Variants in IPO11 observed in about 807,000 individuals in gnomAD.
IPO11 encodes the protein importin-11.
In IPO11, 66 loss-of-function variants were observed where a neutral mutation model predicts 143.2. That is an observed-to-expected ratio of 0.46 (90% CI 0.38 to 0.57). The LOEUF is 0.57. Ranked by LOEUF, IPO11 falls within the 20% of genes least tolerant of loss-of-function variation. The pLI is 0.00. For missense variants in IPO11, 1,026 were observed against 1,141.0 expected (o/e 0.90, Z 1.45); for synonymous variants, 385 against 377.8 (o/e 1.02, Z -0.22).
At chr5:62,422,677 T>C (rs1743558486) in intron 1 of IPO11, 1 of 152,166 alleles carries the variant, frequency 6.6e-6, no homozygotes, top group Admixed American at 6.5e-5. Context: ...CTTATTGCAG[T>C]TTATCAGTGC....
intron 26 of IPO11, among the ~76,000 whole-genome samples, chr5:62,558,362 A>G (rs1426226595): frequency 2.0e-5 from 3 of 152,364 alleles, no homozygotes; most frequent in South Asian, 2.1e-4. Context: ...GAAGTGTTCA[A>G]GAACTACGTA....
intron 25 of IPO11, 131 bp downstream of exon 25, chr5:62,550,593 C>T (rs193226271): frequency 2.3e-5 from 13 of 572,690 alleles, no homozygotes; most frequent in African/African-American, 7.6e-5. Flanking sequence ...ATTTTCAGGG[C>T]GGTTAGACAC....
At chr5:62,443,140 G>GA in intron 3 of IPO11, 57 bp downstream of exon 3, 1 of 1,104,622 alleles carries the variant, frequency 9.1e-7, no homozygotes, top group Non-Finnish European at 1.3e-6. Flanking sequence ...ATTCAGGAAG[G>GA]TGTAAGAATA....
At chr5:62,609,572 G>T (rs1377308925) in intron 29 of IPO11, among the ~76,000 whole-genome samples, 1 of 152,258 alleles carries the variant, frequency 6.6e-6, no homozygotes, top group African/African-American at 2.4e-5. Flanking sequence ...CACAGTCCCT[G>T]CCCTCAAGGA....
intron 19 of IPO11, among the ~76,000 whole-genome samples, chr5:62,513,573 GCTGGCTGGGCAGACGGGCTC>G (rs1278974254): frequency 6.9e-5 from 9 of 130,594 alleles, no homozygotes; most frequent in East Asian, 2.4e-4. Context: ...GGACGGGGCG[GCTGGCTGGGCAGACGGGCTC>G]CTGGCTGGGC....
At chr5:62,620,305 G>A (rs1233893565) in intron 29 of IPO11, among the ~76,000 whole-genome samples, 1 of 152,120 alleles carries the variant, frequency 6.6e-6, no homozygotes, top group African/African-American at 2.4e-5. Context: ...GGATCACGAG[G>A]TCAGGAGATT....
In IPO11 at chr5:62,551,225, G is replaced by T. The variant is rs1287756848; in HGVS notation, c.2349G>T (p.Arg783Ser). The T allele has an allele frequency of 1.3e-6, 2 of 1,556,100 alleles. No homozygotes were observed. The highest frequency in any genetic ancestry group is 1.7e-5 in the Admixed American group (1 of 59,616). ...YVFKGIIEGE[R>S]YPVVMSTYLG... ...TGTGTTGTATTTTAATTGTACAGAGGTATCCTGTAGTGATGTCCACGTATC... is the reference window on the plus strand; with the variant it reads ...TGTGTTGTATTTTAATTGTACAGAGTTATCCTGTAGTGATGTCCACGTATC... The change falls in exon 26 of 30, where the codon AGG (arginine) becomes AGT (serine). Residue 783 changes from arginine to serine, a missense_variant and splice_region_variant. Arg to Ser is a moderately radical substitution (Grantham distance 110). Coordinates refer to ENST00000325324, the MANE Select transcript of IPO11 (RefSeq NM_016338.5).
chr5:62,598,535 C>CT lies in IPO11; in HGVS notation c.2679-3225dup, dbSNP rs374602507. Reference sequence around the variant, plus strand: ...CTTTCTTTCTTTCTTTCTTTTCTTTCTTTTCTTTCTTTTCTTTCTTTTTTT... The same window carrying CT: ...CTTTCTTTCTTTCTTTCTTTTCTTTCTTTTTCTTTCTTTTCTTTCTTTTTTT... On this transcript the variant is annotated intron_variant, in intron 28 of 29. Transcript: ENST00000325324. Among the ~76,000 whole-genome samples, 11 of 5,844 alleles carry CT rather than the reference C, an allele frequency of 1.9e-3. 1 individual carries two copies. Among genetic ancestry groups the CT allele is most frequent in the Middle Eastern group, 0.071 (1 of 14 alleles). The allele number at this position is 5,844 out of a possible 152,430, so 3.8% of individuals were successfully genotyped here.
At chr5:62,586,542 G>A (rs980223732) in intron 27 of IPO11, among the ~76,000 whole-genome samples, 5 of 151,282 alleles carry the variant, frequency 3.3e-5, no homozygotes, top group African/African-American at 7.3e-5. Context: ...ACCTGAGGTC[G>A]GGAGTTCGAG....
chr5:62,433,426 T>A (rs1370347802), intron 1 of IPO11, among the ~76,000 whole-genome samples: 2 of 152,184 alleles, frequency 1.3e-5, no homozygotes, highest in Non-Finnish European at 2.9e-5. Flanking sequence ...TGGTTCTGTG[T>A]GGGAGATATA....
chr5:62,457,877 G>A (rs1322732333), intron 5 of IPO11, among the ~76,000 whole-genome samples: 6 of 152,108 alleles, frequency 3.9e-5, no homozygotes, highest in South Asian at 2.1e-4. Context: ...GGCCGGGCGC[G>A]GTGGCTCACG....
At chr5:62,523,920 T>C (rs1742283083) in intron 20 of IPO11, among the ~76,000 whole-genome samples, 1 of 125,386 alleles carries the variant, frequency 8.0e-6, no homozygotes, top group Admixed American at 8.0e-5. Context: ...TTTAAACTTT[T>C]CTTCTGTGGA....
At chr5:62,567,499 T>TTA (rs1264066177) in intron 27 of IPO11, among the ~76,000 whole-genome samples, 1 of 148,336 alleles carries the variant, frequency 6.7e-6, no homozygotes, top group African/African-American at 2.5e-5. Context: ...ATTATTATTT[T>TTA]TTTTACTATT....
chr5:62,495,658 A>G lies in IPO11; in HGVS notation c.1590+1534A>G, dbSNP rs186469470. Among the ~76,000 whole-genome samples the G allele has an allele frequency of 2.6e-5, 4 of 151,922 alleles. No homozygotes were observed. The East Asian group carries it at 5.8e-4, about 22-fold the overall frequency. On this transcript the variant is annotated intron_variant, in intron 16 of 29. Transcript: ENST00000325324. ...GCTGATTTTTCTGTTTTTTGTAGAG[A>G]TGGTATGTTGCCACATTGCCCAGGC... is the stretch of plus-strand genomic sequence containing the variant.
chr5:62,419,187 T>A, intron 1 of IPO11: 1 of 1,512,826 alleles, frequency 6.6e-7, no homozygotes, highest in Non-Finnish European at 8.9e-7. Flanking sequence ...AAATACAGTG[T>A]AGAAGTAAAA....
Position 62,506,252 on chromosome 5 carries a change from C to T in IPO11, c.1677C>T (p.Thr559=). Residue 559 remains threonine, a synonymous_variant, in exon 19 of 30, where the codon ACC becomes ACT. Transcript: ENST00000325324. The part of the protein sequence containing the change: ...RTDQFLPYLE[T]MFTLLFQLLQ... ...CTTTTTACCTGCAGTATTTGGAAAC[C>T]ATGTTCACACTACTTTTTCAGTTAC... The T allele has an allele frequency of 3.8e-6, 6 of 1,598,942 alleles. No individual in the cohort carries two copies. Among genetic ancestry groups the T allele is most frequent in the Non-Finnish European group, 5.1e-6 (6 of 1,169,836 alleles).
At chr5:62,454,749 A>G (rs1013893293) in intron 5 of IPO11, among the ~76,000 whole-genome samples, 1 of 152,234 alleles carries the variant, frequency 6.6e-6, no homozygotes, top group African/African-American at 2.4e-5. Context: ...GATTCACTAC[A>G]GTGTAGCTTT....
At chr5:62,594,705 A>G (rs910637290) in intron 28 of IPO11, among the ~76,000 whole-genome samples, 32 of 152,224 alleles carry the variant, frequency 2.1e-4, no homozygotes, top group African/African-American at 7.7e-4. Flanking sequence ...TTGACAGATC[A>G]TCTTTTTATT....
chr5:62,503,399 T>G (rs1160093135), intron 16 of IPO11, among the ~76,000 whole-genome samples: 1 of 147,420 alleles, frequency 6.8e-6, no homozygotes, highest in Non-Finnish European at 1.5e-5. Context: ...TCTATTAATA[T>G]ATTAATAGTA....
Sources: gnomAD v4.1 joint callset for allele counts (sites outside exome capture counted in the v4.1 genomes callset) on GRCh38, gnomAD v4.1.1 for gene constraint, MANE v1.5 for transcripts, NCBI Gene and HGNC (gene_info 2026-07-23, HGNC 2026-07-21) for gene names.